Variants in SLC12A4 observed in about 807,000 individuals in gnomAD.
SLC12A4 encodes the protein solute carrier family 12 member 4.
Under a neutral mutation model 119.2 loss-of-function variants are expected in SLC12A4, and 84 were observed. The ratio of observed to expected loss-of-function variants is 0.70; its 90% confidence interval spans 0.59 to 0.85. The LOEUF is 0.85. Ranked by LOEUF, SLC12A4 falls within the 40% of genes least tolerant of loss-of-function variation. The probability of loss-of-function intolerance (pLI) is 0.00; values close to 1 mark genes in which losing one functional copy is unlikely to be tolerated. For synonymous variants in SLC12A4, 599 were observed against 604.6 expected (o/e 0.99, Z 0.14); for missense variants, 1,298 against 1,476.3 (o/e 0.88, Z 1.98).
chr16:67,951,965 G>T lies in SLC12A4; in HGVS notation c.990C>A (p.Asp330Glu). 5 of 1,614,132 alleles carry T rather than the reference G, an allele frequency of 3.1e-6. No homozygotes were observed. In the Admixed American group the frequency reaches 5.0e-5, roughly 16 times the overall value. The change falls in exon 8 of 24, where the codon GAC (aspartate) becomes GAA (glutamate). Residue 330 changes from aspartate (D) to glutamate (E), a missense_variant. Coordinates refer to ENST00000316341, the MANE Select transcript of SLC12A4 (RefSeq NM_005072.5). This position sits in a 1 kb window ranked among gnomAD's most constrained non-coding sequence, Gnocchi z 5.2. Reference protein sequence around the residue: ...FDICAKTAVVDNETVATQLWS... With the variant: ...FDICAKTAVVENETVATQLWS... ...ATAGCTGGGTGGCCACTGTCTCATT[G>T]TCCACTACAGCTGTCTTGGCACAGA...
In SLC12A4 at chr16:67,950,271, C is replaced by T. The variant is rs777412153; in HGVS notation, c.1629+48G>A. On this transcript the variant is annotated intron_variant, in intron 12 of 23. Coordinates refer to ENST00000316341, the MANE Select transcript of SLC12A4 (RefSeq NM_005072.5). This position sits in a 1 kb window ranked among gnomAD's most constrained non-coding sequence, Gnocchi z 4.3. ...TTCCCTATCTCTCTCCCCAGCCGGGCGAGGGCCTGGGAGCAGCCAGGCCAT... is the reference window on the plus strand; with the variant it reads ...TTCCCTATCTCTCTCCCCAGCCGGGTGAGGGCCTGGGAGCAGCCAGGCCAT... 18 of 1,589,782 alleles carry T rather than the reference C, an allele frequency of 1.1e-5. No individual in the cohort carries two copies. The highest frequency in any genetic ancestry group is 2.2e-5 in the East Asian group (1 of 44,634).
chr16:67,963,853 A>G lies in SLC12A4; in HGVS notation c.116-294T>C, dbSNP rs918156122. On this transcript the variant is annotated intron_variant, in intron 1 of 23. Coordinates refer to ENST00000316341, the MANE Select transcript of SLC12A4 (RefSeq NM_005072.5). Reference sequence around the variant, plus strand: ...ATGGACACTGAGGGACGGGGCCTGCAGAGGGGCGGGGCCAGCGTTTGACCC... The same window carrying G: ...ATGGACACTGAGGGACGGGGCCTGCGGAGGGGCGGGGCCAGCGTTTGACCC... The G allele has an allele frequency of 1.8e-4, 277 of 1,525,388 alleles. 2 individuals carry two copies. In the South Asian group the frequency reaches 2.8e-3, roughly 15 times the overall value. The allele number at this position is 1,525,388 out of a possible 1,614,324, so 94.5% of individuals were successfully genotyped here. A position where few individuals can be genotyped will look rare whatever the true frequency, so the allele number is the denominator to read the frequency against.
rs2029913006 is a variant in SLC12A4, at chr16:67,951,673, C to G, written c.1132+150G>C. On this transcript the variant is annotated intron_variant, in intron 8 of 23. Coordinates refer to ENST00000316341, the MANE Select transcript of SLC12A4 (RefSeq NM_005072.5). The surrounding 1 kb of genome is among the most constrained non-coding windows in gnomAD (Gnocchi z 5.2). ...GCTCCACTCACTCCAAACTCGGCTG[C>G]CAGGAGCCAGGCTGGGAGGACACTG... The G allele has an allele frequency of 2.7e-6, 2 of 735,182 alleles. No homozygotes were observed. The highest frequency in any genetic ancestry group is 4.4e-6 in the Non-Finnish European group (2 of 453,218). 45.5% of individuals were successfully genotyped at this position (735,182 alleles called of 1,614,324 possible).
intron 3 of SLC12A4, 55 bp downstream of exon 3, chr16:67,961,520 T>C: frequency 1.3e-6 from 2 of 1,592,426 alleles, no homozygotes; most frequent in African/African-American, 1.3e-5. Flanking sequence ...GTCAATTCCA[T>C]GGTGCTGTGT....
chr16:67,946,264 G>C lies in SLC12A4; in HGVS notation c.2514C>G (p.His838Gln), dbSNP rs147964937. 6.2e-7 allele frequency: 1 copy of C among 1,613,662 alleles called. No homozygotes were observed. Among genetic ancestry groups the C allele is most frequent in the African/African-American group, 1.3e-5 (1 of 75,054 alleles). Residue 838 changes from histidine (H) to glutamine (Q), a missense_variant, in exon 19 of 24, where the codon CAC becomes CAG. By Grantham distance (24) the His-to-Gln change is conservative. Coordinates refer to ENST00000316341, the MANE Select transcript of SLC12A4 (RefSeq NM_005072.5). ...CTATGTGGCCCTCCAGGTAGCGCTCGTGGTTGCTGGGGTAGAAGGCGATGT... is the reference window on the plus strand; with the variant it reads ...CTATGTGGCCCTCCAGGTAGCGCTCCTGGTTGCTGGGGTAGAAGGCGATGT... ...PKNIAFYPSN[H>Q]ERYLEGHIDV...
rs956683549 is a variant in SLC12A4, at chr16:67,964,063, A to G, written c.116-504T>C. On this transcript the variant is annotated intron_variant, in intron 1 of 23. Coordinates refer to ENST00000316341, the MANE Select transcript of SLC12A4 (RefSeq NM_005072.5). The stretch of plus-strand genomic sequence containing the variant: ...TGGCCGGCTGGCTACCCCACCATGC[A>G]CTGCGCGGGGGGCGTCCTGCAGGGC... The G allele has an allele frequency of 2.6e-6, 4 of 1,547,714 alleles. No homozygotes were observed. The Admixed American group carries it at 7.9e-5, about 30-fold the overall frequency.
At chr16:67,959,327 A>G (rs2030441445) in intron 3 of SLC12A4, among the ~76,000 whole-genome samples, 1 of 152,110 alleles carries the variant, frequency 6.6e-6, no homozygotes, top group Non-Finnish European at 1.5e-5. Flanking sequence ...AAGCCTCCTC[A>G]CTGATCCAAA....
chr16:67,955,603 G>A (rs772398260), intron 5 of SLC12A4, among the ~76,000 whole-genome samples: 37 of 152,082 alleles, frequency 2.4e-4, no homozygotes, highest in Admixed American at 8.5e-4. Flanking sequence ...AAAAAAGGCC[G>A]GGTGCAGTGG....
At position 67,944,051 on chromosome 16, in the gene SLC12A4, C is replaced by T; in HGVS notation, c.*789G>A. The T allele has an allele frequency of 6.5e-7, 1 of 1,547,732 alleles. No homozygotes were observed. The highest frequency in any genetic ancestry group is 2.4e-5 in the East Asian group (1 of 40,876). ...AGAAGGGGGCGGCAGGAGGGAGCAG[C>T]AGCCCCAGCAGCAGCGTCACCCACT... On this transcript the variant is annotated 3_prime_UTR_variant, in exon 24 of 24. Coordinates refer to ENST00000316341, the MANE Select transcript of SLC12A4 (RefSeq NM_005072.5). The surrounding 1 kb of genome is among the most constrained non-coding windows in gnomAD (Gnocchi z 6.6).
rs1354267260 is a variant in SLC12A4 at position 67,960,976 on chromosome 16, A to C, written c.342+599T>G. 2.0e-5 allele frequency among the ~76,000 whole-genome samples: 3 copies of C among 152,116 alleles called. No homozygotes were observed. In the East Asian group the frequency reaches 5.8e-4, roughly 30 times the overall value. Reference sequence around the variant, plus strand: ...GCCTTGGGCCAACACTGCGAGCAGCAGGAGGGTTTGTGACTTGCTCTGGAT... The same window carrying C: ...GCCTTGGGCCAACACTGCGAGCAGCCGGAGGGTTTGTGACTTGCTCTGGAT... On this transcript the variant is annotated intron_variant, in intron 3 of 23. Transcript: ENST00000316341.
chr16:67,945,837 C>T lies in SLC12A4; in HGVS notation c.2774G>A (p.Arg925Gln), dbSNP rs1457094769. ...NSDISAYTYE[R>Q]TLMMEQRSQM... ...CGACCGCTGCTCCATCATCAGCGTCCGCTCGTAGGTGTATGCAGAGATGTC... is the reference window on the plus strand; with the variant it reads ...CGACCGCTGCTCCATCATCAGCGTCTGCTCGTAGGTGTATGCAGAGATGTC... The change falls in exon 21 of 24, where the codon CGG becomes CAG. Residue 925 changes from arginine to glutamine, a missense_variant. Arg to Gln is a conservative substitution (Grantham distance 43). Transcript: ENST00000316341. The T allele has an allele frequency of 3.7e-6, 6 of 1,613,976 alleles. No homozygotes were observed. The highest frequency in any genetic ancestry group is 1.1e-5 in the South Asian group (1 of 91,088).
Position 67,945,520 on chromosome 16 carries a change from G to T in SLC12A4, c.2881C>A (p.Arg961=), listed in dbSNP as rs17851876. Residue 961 remains arginine (R), a synonymous_variant, in exon 22 of 24, where the codon CGG becomes AGG. Coordinates refer to ENST00000316341, the MANE Select transcript of SLC12A4 (RefSeq NM_005072.5). ...TCGTCCGAGTACAGGCTCTCCAGCCGCAGGGCCGAGTGCCGATCCTTGACC... is the reference window on the plus strand; with the variant it reads ...TCGTCCGAGTACAGGCTCTCCAGCCTCAGGGCCGAGTGCCGATCCTTGACC... The part of the protein sequence containing the change: ...QLVKDRHSAL[R]LESLYSDEED... 0.062 allele frequency: 100,428 copies of T among 1,613,836 alleles called. 3,550 individuals carry two copies. Among genetic ancestry groups the T allele is most frequent in the South Asian group, 0.073 (6,664 of 91,068 alleles).
At chr16:67,948,232 G>C (rs952304129) in intron 13 of SLC12A4, 73 bp from the exon 14 acceptor site, 2 of 1,454,568 alleles carry the variant, frequency 1.4e-6, no homozygotes, top group Admixed American at 1.7e-5. Flanking sequence ...GCTGGGCCTG[G>C]CCCAGAAACG....
chr16:67,966,963 G>T, intron 1 of SLC12A4: 1 of 1,306,220 alleles, frequency 7.7e-7, no homozygotes, highest in Non-Finnish European at 1.0e-6. Context: ...GCTCAGCTCT[G>T]CCTGCCCACT....
chr16:67,956,726 A>G (rs918342468), intron 5 of SLC12A4, among the ~76,000 whole-genome samples: 1 of 152,014 alleles, frequency 6.6e-6, no homozygotes, highest in Non-Finnish European at 1.5e-5. Context: ...TGTTTTCAAC[A>G]CTTGGGAAAC....
chr16:67,950,859 A>C lies in SLC12A4; in HGVS notation c.1396+103T>G. On this transcript the variant is annotated intron_variant, in intron 10 of 23. Coordinates refer to ENST00000316341, the MANE Select transcript of SLC12A4 (RefSeq NM_005072.5). This position sits in a 1 kb window ranked among gnomAD's most constrained non-coding sequence, Gnocchi z 4.3. The stretch of plus-strand genomic sequence containing the variant: ...GCATGTGTGCATGAGAAGGGGAGCT[A>C]TATATGAGTGTGTGGGGTGTCTGTG... The C allele has an allele frequency of 7.0e-7, 1 of 1,421,928 alleles. No homozygotes were observed. The highest frequency in any genetic ancestry group is 9.8e-7 in the Non-Finnish European group (1 of 1,018,486). 88.1% of individuals were successfully genotyped at this position (1,421,928 alleles called of 1,614,324 possible).
At chr16:67,959,958 C>T (rs920764874) in intron 3 of SLC12A4, among the ~76,000 whole-genome samples, 10 of 152,238 alleles carry the variant, frequency 6.6e-5, no homozygotes, top group Non-Finnish European at 1.3e-4. Flanking sequence ...CCCCAGATCC[C>T]TAACTTCCTA....
Position 67,947,005 on chromosome 16 carries a change from TCAGGCCCTTGC to T in SLC12A4, c.2162_2172del (p.Gly721AspfsTer32). 1 of 1,613,204 alleles carries T rather than the reference TCAGGCCCTTGC, an allele frequency of 6.2e-7. No individual in the cohort carries two copies. The highest frequency in any genetic ancestry group is 8.5e-7 in the Non-Finnish European group (1 of 1,180,010). On this transcript the variant is annotated frameshift_variant, in exon 17 of 24. Coordinates refer to ENST00000316341, the MANE Select transcript of SLC12A4 (RefSeq NM_005072.5). LOFTEE classifies it high-confidence loss of function. ...CCCTGGATGACAGAACCAACAATGG[TCAGGCCCTTGC>T]CAGCCTTGAGCTGGGAGGCGAAGGT...
intron 5 of SLC12A4, among the ~76,000 whole-genome samples, chr16:67,956,091 C>T (rs948516771): frequency 1.3e-5 from 2 of 152,018 alleles, no homozygotes; most frequent in Non-Finnish European, 2.9e-5. Context: ...GCAGGAGAAT[C>T]GCTTGAACCT....
Sources: allele counts gnomAD v4.1 joint callset (sites outside exome capture counted in the v4.1 genomes callset), GRCh38; gene constraint gnomAD v4.1.1; non-coding constraint Gnocchi (gnomAD v3.1); transcripts MANE v1.5; gene names NCBI Gene and HGNC (gene_info 2026-07-23, HGNC 2026-07-21).